The following KIF26B variants were observed in gnomAD, a reference collection of about 807,000 sequenced individuals.
The protein encoded by KIF26B is kinesin-like protein KIF26B.
Under a neutral mutation model 151.2 loss-of-function variants are expected in KIF26B, and 63 were observed. That is an observed-to-expected ratio of 0.42 (90% confidence interval 0.34 to 0.51). The LOEUF is 0.51. Among genes scored for constraint, KIF26B ranks in the 20% least tolerant of loss-of-function variants. The pLI, the probability that KIF26B is intolerant of heterozygous loss-of-function variation, is 0.07. For synonymous variants in KIF26B, 1,357 were observed against 1,262.1 expected (o/e 1.08, Z -1.59); for missense variants, 2,813 against 2,913.6 (o/e 0.97, Z 0.79).
rs746908968 is a variant in KIF26B, at chr1:245,607,652, C to T, written c.1559C>T (p.Ala520Val). ...CGTGTCTCCTCTTGTGTCTGACAGG[C>T]TGAAGTGTGTGCAGGCACCGTGGCA... The part of the protein sequence containing the change: ...DAVFPQDASQ[A>V]EVCAGTVAEV... Residue 520 changes from alanine (A) to valine (V), a missense_variant and splice_region_variant, in exon 7 of 15, where the codon GCT (alanine) becomes GTT (valine). Around this residue, in one of 3 missense-constraint regions of KIF26B, gnomAD observed 77 missense variants for 136.9 expected, o/e 0.56. Transcript: ENST00000407071. The T allele has an allele frequency of 6.2e-7, 1 of 1,607,484 alleles. No homozygotes were observed.
chr1:245,284,161 TA>T (rs1405062803), intron 2 of KIF26B, among the ~76,000 whole-genome samples: 1 of 152,230 alleles, frequency 6.6e-6, no homozygotes, highest in East Asian at 1.9e-4. Context: ...ATGTATTGCT[TA>T]GTCGTGCTTC....
At position 245,477,758 on chromosome 1, in the gene KIF26B, C is replaced by A; in HGVS notation, c.1166+58013C>A. Among the ~76,000 whole-genome samples, 2 of 151,728 alleles carry A rather than the reference C, an allele frequency of 1.3e-5. 1 individual carries two copies. On this transcript the variant is annotated intron_variant, in intron 4 of 14. Transcript: ENST00000407071. ...AGTCCAGGTTGGCTGGAAAAGAGACCGAATGGTAGCAGAGCAAGTCGGGGA... is the reference window on the plus strand; with the variant it reads ...AGTCCAGGTTGGCTGGAAAAGAGACAGAATGGTAGCAGAGCAAGTCGGGGA...
chr1:245,456,582 C>T (rs1659521503), intron 4 of KIF26B, among the ~76,000 whole-genome samples: 1 of 152,190 alleles, frequency 6.6e-6, no homozygotes, highest in African/African-American at 2.4e-5. Context: ...TGTCTATCAG[C>T]CATTTAAATT....
chr1:245,287,817 A>T (rs1398237016), intron 2 of KIF26B, among the ~76,000 whole-genome samples: 2 of 152,014 alleles, frequency 1.3e-5, no homozygotes, highest in Non-Finnish European at 2.9e-5. Flanking sequence ...CTCTTTACTG[A>T]CACGTGCCCA....
At chr1:245,582,343 T>G (rs942330314) in intron 5 of KIF26B, among the ~76,000 whole-genome samples, 2 of 152,226 alleles carry the variant, frequency 1.3e-5, no homozygotes, top group African/African-American at 4.8e-5. Flanking sequence ...AGTCAATAAC[T>G]TATAATTTTA....
intron 3 of KIF26B, chr1:245,371,430 C>A (rs1426053336): frequency 6.6e-6 from 1 of 152,226 alleles, no homozygotes; most frequent in East Asian, 1.9e-4. Flanking sequence ...GAGCAGATGG[C>A]CTCTGGATCA....
intron 5 of KIF26B, among the ~76,000 whole-genome samples, chr1:245,551,815 G>C (rs536874297): frequency 1.3e-5 from 2 of 152,190 alleles, no homozygotes; most frequent in Non-Finnish European, 2.9e-5. Flanking sequence ...CCAATTCCTT[G>C]GGGAGGCTTT....
At chr1:245,641,364 T>C (rs1042449685) in intron 9 of KIF26B, among the ~76,000 whole-genome samples, 1 of 152,252 alleles carries the variant, frequency 6.6e-6, no homozygotes, top group Middle Eastern at 3.4e-3. Context: ...TGTACCTGAA[T>C]ATTTATATTT....
intron 4 of KIF26B, among the ~76,000 whole-genome samples, chr1:245,473,399 G>A (rs1002807428): frequency 3.9e-5 from 6 of 152,180 alleles, no homozygotes; most frequent in Admixed American, 6.5e-5. Context: ...GTTTACAACC[G>A]ATGCCTGTCA....
At chr1:245,310,605 A>G (rs1319240071) in intron 2 of KIF26B, among the ~76,000 whole-genome samples, 4 of 152,148 alleles carry the variant, frequency 2.6e-5, no homozygotes, top group Non-Finnish European at 4.4e-5. Context: ...AAAATGGGGG[A>G]GAGATCTGTA....
rs200528764 is a variant in KIF26B, at chr1:245,659,056, T to G, written c.2258+12776T>G. Among the ~76,000 whole-genome samples, 131 of 151,510 alleles carry G rather than the reference T, an allele frequency of 8.6e-4. No homozygotes were observed. The East Asian group carries it at 0.016, about 19-fold the overall frequency. On this transcript the variant is annotated intron_variant, in intron 10 of 14. Transcript: ENST00000407071. Reference sequence around the variant, plus strand: ...ACCAGCCTGGGCAACATAGTGAGACTCCATCTGTACAAAAAAAAAATTTAA... The same window carrying G: ...ACCAGCCTGGGCAACATAGTGAGACGCCATCTGTACAAAAAAAAAATTTAA...
At chr1:245,233,742 C>T (rs111645251) in intron 2 of KIF26B, among the ~76,000 whole-genome samples, 2,904 of 152,262 alleles carry the variant, frequency 0.019, 39 homozygotes, top group African/African-American at 0.029. Context: ...CATGGGAACA[C>T]TATTAGTACC....
rs10661396 is a variant in KIF26B at position 245,664,359 on chromosome 1, C to CAAAA, written c.2258+18090_2258+18093dup. 4.8e-4 allele frequency among the ~76,000 whole-genome samples: 68 copies of CAAAA among 140,814 alleles called. No individual in the cohort carries two copies. In the South Asian group the frequency reaches 9.3e-3, roughly 19 times the overall value. 92.4% of individuals were successfully genotyped at this position (140,814 alleles called of 152,430 possible). On this transcript the variant is annotated intron_variant, in intron 10 of 14. Coordinates refer to ENST00000407071, the MANE Select transcript of KIF26B (RefSeq NM_018012.4). ...TGGCAACAAGAGTGAAACTCCATCT[C>CAAAA]AAAAAAAAAAAAAATCCACAACATT...
chr1:245,559,026 C>T (rs554563466), intron 5 of KIF26B, among the ~76,000 whole-genome samples: 13 of 152,316 alleles, frequency 8.5e-5, no homozygotes, highest in African/African-American at 3.1e-4. Context: ...TTTTCTCAGT[C>T]TTTGTGTGTG....
chr1:245,602,813 C>T lies in KIF26B; in HGVS notation c.1557+30C>T. 6.2e-7 allele frequency: 1 copy of T among 1,604,004 alleles called. No individual in the cohort carries two copies. The highest frequency in any genetic ancestry group is 8.5e-7 in the Non-Finnish European group (1 of 1,172,224). On this transcript the variant is annotated intron_variant, in intron 6 of 14. Transcript: ENST00000407071. This position sits in a 1 kb window ranked among gnomAD's most constrained non-coding sequence, Gnocchi z 4.5. ...GTATCAGCCCCCTCTCAGGCTCAGG[C>T]AACGTTGATGAAAGGGCAACGTTTA...
chr1:245,472,190 G>C (rs1659930537), intron 4 of KIF26B, among the ~76,000 whole-genome samples: 1 of 152,216 alleles, frequency 6.6e-6, no homozygotes, highest in South Asian at 2.1e-4. Context: ...CAAAGATCTA[G>C]AGGGAGAGCA....
At chr1:245,223,545 CTATT>C (rs1669813175) in intron 2 of KIF26B, among the ~76,000 whole-genome samples, 1 of 152,156 alleles carries the variant, frequency 6.6e-6, no homozygotes, top group Non-Finnish European at 1.5e-5. Context: ...AACAATTATT[CTATT>C]TTTTTTCCAC....
chr1:245,625,551 G>A (rs974691814), intron 9 of KIF26B, among the ~76,000 whole-genome samples: 2 of 152,016 alleles, frequency 1.3e-5, no homozygotes, highest in African/African-American at 4.8e-5. Context: ...TTTGATGCAC[G>A]CATACAATGT....
In KIF26B at chr1:245,638,464, C is replaced by A. The variant is rs559247131; in HGVS notation, c.2099-7657C>A. On this transcript the variant is annotated intron_variant, in intron 9 of 14. Transcript: ENST00000407071. ...ACTTCTTCCTTTCTAATTTGGATGC[C>A]CTTTATTTCTTTCTCTTGCCCTATT... 8.6e-5 allele frequency among the ~76,000 whole-genome samples: 13 copies of A among 151,854 alleles called. No homozygotes were observed. The South Asian group carries it at 2.5e-3, about 29-fold the overall frequency.
Sources: allele counts gnomAD v4.1 joint callset (sites outside exome capture counted in the v4.1 genomes callset), GRCh38; gene constraint gnomAD v4.1.1; regional missense constraint gnomAD v4.1.1; non-coding constraint Gnocchi (gnomAD v3.1); transcripts MANE v1.5; gene names NCBI Gene and HGNC (gene_info 2026-07-23, HGNC 2026-07-21).